Variants in NSD1 observed in about 807,000 individuals in gnomAD.
NSD1 encodes histone-lysine N-methyltransferase, H3 lysine-36 specific.
NSD1 carries 26 observed loss-of-function variants against 242.7 expected under a neutral mutation model. The ratio of observed to expected loss-of-function variants is 0.11; its 90% CI spans 0.08 to 0.15. The LOEUF is 0.15. Ranked by LOEUF, NSD1 falls within the 10% of genes least tolerant of loss-of-function variation. The probability of loss-of-function intolerance (pLI) is 1.00; values close to 1 mark genes in which losing one functional copy is unlikely to be tolerated. For missense variants in NSD1, 2,495 were observed against 3,272.8 expected (o/e 0.76, Z 5.80); for synonymous variants, 1,106 against 1,178.1 (o/e 0.94, Z 1.25).
chr5:177,275,890 TAC>T (rs1482748891), intron 17 of NSD1, among the ~76,000 whole-genome samples: 1 of 152,224 alleles, frequency 6.6e-6, no homozygotes. Flanking sequence ...CTGATGGACT[TAC>T]ATGGTATTTA....
chr5:177,148,119 GTT>G (rs34316882), intron 2 of NSD1, among the ~76,000 whole-genome samples: 4 of 147,298 alleles, frequency 2.7e-5, no homozygotes, highest in Admixed American at 2.0e-4. Flanking sequence ...GGCATGTTAA[GTT>G]TTTTTTTTTT....
At position 177,293,996 on chromosome 5, in the gene NSD1, C is replaced by G. The variant is rs980450670; in HGVS notation, c.6628C>G (p.Pro2210Ala). ...LSCTEHDPCG[P>A]NPLEPGEIRE... is the part of the protein sequence containing the mutation. ...TTGTACTGAGCATGACCCCTGTGGG[C>G]CCAATCCTCTGGAACCTGGGGAGAT... is the stretch of plus-strand genomic sequence containing the variant. Residue 2210 changes from proline to alanine, a missense_variant, in exon 23 of 23, where the codon CCC (proline) becomes GCC (alanine). Transcript: ENST00000439151. 6.2e-7 allele frequency: 1 copy of G among 1,614,110 alleles called. No individual in the cohort carries two copies. Among genetic ancestry groups the G allele is most frequent in the Non-Finnish European group, 8.5e-7 (1 of 1,180,030 alleles).
At chr5:177,260,960 T>A (rs1352748928) in intron 14 of NSD1, among the ~76,000 whole-genome samples, 1 of 152,164 alleles carries the variant, frequency 6.6e-6, no homozygotes, top group Non-Finnish European at 1.5e-5. Context: ...AGAGTGAACG[T>A]GATGGAAAAA....
chr5:177,171,306 CAA>C (rs753503756), intron 2 of NSD1, among the ~76,000 whole-genome samples: 8 of 134,770 alleles, frequency 5.9e-5, no homozygotes, highest in Admixed American at 7.6e-5. Context: ...ACTCCGTCTC[CAA>C]AAAAAAAAAA....
chr5:177,159,900 T>A (rs964148610), intron 2 of NSD1, among the ~76,000 whole-genome samples: 25 of 150,092 alleles, frequency 1.7e-4, no homozygotes, highest in South Asian at 8.4e-4. Context: ...AATATATTTT[T>A]TTTTTTTTAA....
chr5:177,250,051 A>G (rs1403761188), intron 11 of NSD1, among the ~76,000 whole-genome samples: 1 of 152,124 alleles, frequency 6.6e-6, no homozygotes, highest in Admixed American at 6.6e-5. Flanking sequence ...ATGCCACTGC[A>G]CTCCCACCTG....
At chr5:177,141,311 C>T (rs1228947129) in intron 2 of NSD1, among the ~76,000 whole-genome samples, 1 of 140,552 alleles carries the variant, frequency 7.1e-6, no homozygotes, top group Non-Finnish European at 1.5e-5. Context: ...TGAGCCACCG[C>T]GCGCAGCCTT....
intron 14 of NSD1, among the ~76,000 whole-genome samples, chr5:177,263,563 T>C (rs1489317543): frequency 5.6e-4 from 86 of 152,234 alleles, no homozygotes; most frequent in Non-Finnish European, 2.9e-5. Flanking sequence ...ACCTTAGTTT[T>C]ATTATATCTT....
chr5:177,149,471 C>T (rs1399076758), intron 2 of NSD1, among the ~76,000 whole-genome samples: 2 of 152,088 alleles, frequency 1.3e-5, no homozygotes, highest in African/African-American at 4.8e-5. Flanking sequence ...CTGCCCACCT[C>T]GGCCTCCCAA....
At chr5:177,218,691 C>T (rs1763988397) in intron 5 of NSD1, among the ~76,000 whole-genome samples, 1 of 151,942 alleles carries the variant, frequency 6.6e-6, no homozygotes, top group African/African-American at 2.4e-5. Context: ...CCTCGGCTTC[C>T]TGAGTAGCTG....
At chr5:177,144,948 G>A (rs972717250) in intron 2 of NSD1, among the ~76,000 whole-genome samples, 1 of 151,922 alleles carries the variant, frequency 6.6e-6, no homozygotes, top group Non-Finnish European at 1.5e-5. Flanking sequence ...AGCTGGGTGT[G>A]GTGGCACGTG....
chr5:177,176,212 G>A (rs1820162404), intron 2 of NSD1, among the ~76,000 whole-genome samples: 1 of 151,806 alleles, frequency 6.6e-6, no homozygotes, highest in South Asian at 2.1e-4. Context: ...TGACTTCAGT[G>A]TTTTGAAATT....
intron 3 of NSD1, among the ~76,000 whole-genome samples, chr5:177,194,113 A>T (rs911173649): frequency 6.6e-6 from 1 of 152,062 alleles, no homozygotes; most frequent in African/African-American, 2.4e-5. Flanking sequence ...ATGTTTTTTC[A>T]TATAAATTAT....
intron 2 of NSD1, among the ~76,000 whole-genome samples, chr5:177,150,246 G>A (rs2149775776): frequency 6.6e-6 from 1 of 152,174 alleles, no homozygotes; most frequent in South Asian, 2.1e-4. Flanking sequence ...CGATTCTCCT[G>A]CCTCAGCCTC....
At chr5:177,147,246 C>A (rs980721621) in intron 2 of NSD1, among the ~76,000 whole-genome samples, 1 of 151,990 alleles carries the variant, frequency 6.6e-6, no homozygotes, top group Non-Finnish European at 1.5e-5. Context: ...GCTGCGACTA[C>A]AGGCACTTGC....
chr5:177,229,697 G>A, intron 5 of NSD1: 1 of 365,646 alleles, frequency 2.7e-6, no homozygotes, highest in Non-Finnish European at 5.3e-6. Context: ...GTTGAGGCAA[G>A]GAAGAAAGAG....
At chr5:177,191,785 T>C in intron 2 of NSD1, 99 bp from the exon 3 acceptor site, 10 of 1,285,916 alleles carry the variant, frequency 7.8e-6, no homozygotes, top group Non-Finnish European at 1.1e-5. Context: ...TCATTCTCAA[T>C]TTTTCATACA....
At chr5:177,153,418 A>G (rs542096026) in intron 2 of NSD1, among the ~76,000 whole-genome samples, 9 of 152,192 alleles carry the variant, frequency 5.9e-5, no homozygotes, top group African/African-American at 7.2e-5. Flanking sequence ...GCAAAATGCT[A>G]CTACAAGATT....
intron 5 of NSD1, among the ~76,000 whole-genome samples, chr5:177,223,873 C>G (rs989577027): frequency 6.6e-6 from 1 of 152,088 alleles, no homozygotes; most frequent in Admixed American, 6.5e-5. Flanking sequence ...GTAATCCCAG[C>G]TACTCAAGAG....
Sources: allele counts gnomAD v4.1 joint callset (sites outside exome capture counted in the v4.1 genomes callset), GRCh38; gene constraint gnomAD v4.1.1; transcripts MANE v1.5; gene names NCBI Gene and HGNC (gene_info 2026-07-23, HGNC 2026-07-21).